The following RELN variants were observed in gnomAD, a reference collection of about 807,000 sequenced individuals.
RELN encodes the protein reelin.
In RELN, 108 loss-of-function variants were observed where a neutral mutation model predicts 427.6. That is an observed-to-expected ratio of 0.25 (90% CI 0.22 to 0.30). RELN has a LOEUF of 0.30. Ranked by LOEUF, RELN falls within the 10% of genes least tolerant of loss-of-function variation. RELN has a pLI of 1.00. For missense variants in RELN, 3,715 were observed against 4,302.8 expected (o/e 0.86, Z 3.82); for synonymous variants, 1,524 against 1,513.4 (o/e 1.01, Z -0.16).
chr7:103,505,617 C>T (rs1584244520), intron 51 of RELN, among the ~76,000 whole-genome samples: 1 of 152,114 alleles, frequency 6.6e-6, no homozygotes, highest in Admixed American at 6.6e-5. Flanking sequence ...TGGGGAGAAA[C>T]CAGCGCAAAA....
chr7:103,747,024 A>G (rs1790854993), intron 6 of RELN, among the ~76,000 whole-genome samples: 1 of 152,206 alleles, frequency 6.6e-6, no homozygotes, highest in African/African-American at 2.4e-5. Context: ...TAAATGTCCA[A>G]CAATGATAGA....
rs181260061 is a variant in RELN, at chr7:103,831,391, T to C, written c.473+2146A>G. 3.3e-3 allele frequency among the ~76,000 whole-genome samples: 505 copies of C among 152,132 alleles called. 1 individual carries two copies. Among genetic ancestry groups the C allele is most frequent in the Non-Finnish European group, 5.3e-3 (359 of 67,970 alleles). ...ACATATAAGACACTGTAGCAACTAA[T>C]GGAGAATCAAAAAGAAATAAGAATT... On this transcript the variant is annotated intron_variant, in intron 3 of 64. Coordinates refer to ENST00000428762, the MANE Select transcript of RELN (RefSeq NM_005045.4).
intron 8 of RELN, among the ~76,000 whole-genome samples, chr7:103,714,000 G>A (rs1242754277): frequency 6.6e-6 from 1 of 152,146 alleles, no homozygotes; most frequent in African/African-American, 2.4e-5. Flanking sequence ...ACATCTTGAT[G>A]ACATGGCAAG....
intron 1 of RELN, among the ~76,000 whole-genome samples, chr7:103,948,361 A>G (rs546764848): frequency 6.6e-6 from 1 of 152,088 alleles, no homozygotes; most frequent in East Asian, 1.9e-4. Flanking sequence ...CCTTCATCCT[A>G]TCTCAATTCA....
intron 2 of RELN, among the ~76,000 whole-genome samples, chr7:103,906,577 CCG>C (rs1795210583): frequency 6.6e-6 from 1 of 152,102 alleles, no homozygotes; most frequent in Non-Finnish European, 1.5e-5. Context: ...TTCCTCTGAG[CCG>C]TTATAGAGCA....
rs1287121395 is a variant in RELN at position 103,511,009 on chromosome 7, A to G, written c.8120-4T>C. ...TGGAATAGCCAGTGCTCATTCACTTAAAACAAAAAAACAAAATTTTATGAC... is the reference window on the plus strand; with the variant it reads ...TGGAATAGCCAGTGCTCATTCACTTGAAACAAAAAAACAAAATTTTATGAC... On this transcript the variant is annotated splice_region_variant and splice_polypyrimidine_tract_variant and intron_variant, in intron 50 of 64. Transcript: ENST00000428762. 1 of 1,610,986 alleles carries G rather than the reference A, an allele frequency of 6.2e-7. No individual in the cohort carries two copies. The highest frequency in any genetic ancestry group is 2.2e-5 in the East Asian group (1 of 44,840).
chr7:103,539,803 AGATT>A (rs1830138821), intron 44 of RELN, among the ~76,000 whole-genome samples: 1 of 152,080 alleles, frequency 6.6e-6, no homozygotes, highest in Non-Finnish European at 1.5e-5. Flanking sequence ...GATGTGGGGG[AGATT>A]GATTTATTTT....
chr7:103,639,777 ACT>A (rs962335804), intron 17 of RELN, among the ~76,000 whole-genome samples: 1 of 151,908 alleles, frequency 6.6e-6, no homozygotes, highest in Non-Finnish European at 1.5e-5. Flanking sequence ...TTGATTAATT[ACT>A]CTTTTTGTTG....
chr7:103,913,438 C>T (rs1171792915), intron 2 of RELN, among the ~76,000 whole-genome samples: 1 of 152,124 alleles, frequency 6.6e-6, no homozygotes, highest in East Asian at 1.9e-4. Context: ...ATTTGCTTAA[C>T]ATTCCATCAA....
chr7:103,768,081 G>C (rs538036076), intron 4 of RELN, among the ~76,000 whole-genome samples: 1 of 152,170 alleles, frequency 6.6e-6, no homozygotes, highest in Admixed American at 6.5e-5. Flanking sequence ...CTGTTTATTG[G>C]CATATTCCAA....
chr7:103,962,088 TC>T (rs1796569192), intron 1 of RELN, among the ~76,000 whole-genome samples: 1 of 152,194 alleles, frequency 6.6e-6, no homozygotes, highest in Non-Finnish European at 1.5e-5. Context: ...CAGTTCTGGA[TC>T]ATTTTATTAA....
At chr7:103,486,552 A>C in intron 60 of RELN, 136 bp from the exon 61 acceptor site, 2 of 706,490 alleles carry the variant, frequency 2.8e-6, no homozygotes, top group South Asian at 1.7e-5. Flanking sequence ...AAACAACTTT[A>C]CAAAAAAAAA....
rs190622063 is a variant in RELN, at chr7:103,554,100, C to G, written c.5798-269G>C. Among the ~76,000 whole-genome samples, 15 of 148,920 alleles carry G rather than the reference C, an allele frequency of 1.0e-4. No individual in the cohort carries two copies. The East Asian group carries it at 3.1e-3, about 31-fold the overall frequency. On this transcript the variant is annotated intron_variant, in intron 38 of 64. Coordinates refer to ENST00000428762, the MANE Select transcript of RELN (RefSeq NM_005045.4). Reference sequence around the variant, plus strand: ...TACTCAGGAGGCTGAGGTGGGAGGACTGCTTGGGTCCAGGAGTTTGAGGTT... The same window carrying G: ...TACTCAGGAGGCTGAGGTGGGAGGAGTGCTTGGGTCCAGGAGTTTGAGGTT...
chr7:103,933,948 C>T (rs934726606), intron 1 of RELN, among the ~76,000 whole-genome samples: 8 of 152,190 alleles, frequency 5.3e-5, no homozygotes, highest in African/African-American at 1.7e-4. Flanking sequence ...CAGATACACA[C>T]GAAGGGTTCT....
At chr7:103,526,017 C>T (rs1829815303) in intron 46 of RELN, among the ~76,000 whole-genome samples, 1 of 152,182 alleles carries the variant, frequency 6.6e-6, no homozygotes, top group African/African-American at 2.4e-5. Context: ...AAACACCCTA[C>T]AAGAGATGTC....
chr7:103,820,857 C>T (rs1009759514), intron 3 of RELN, among the ~76,000 whole-genome samples: 1 of 151,980 alleles, frequency 6.6e-6, no homozygotes, highest in African/African-American at 2.4e-5. Context: ...GATAATAGCA[C>T]ACACACACAT....
intron 1 of RELN, among the ~76,000 whole-genome samples, chr7:103,930,721 C>A (rs1188560806): frequency 6.6e-6 from 1 of 152,144 alleles, no homozygotes; most frequent in Non-Finnish European, 1.5e-5. Context: ...CCTGTCTTGG[C>A]CTCCCCAAAG....
chr7:103,788,766 A>G (rs1457172008), intron 3 of RELN, among the ~76,000 whole-genome samples: 2 of 152,236 alleles, frequency 1.3e-5, no homozygotes, highest in East Asian at 1.9e-4. Context: ...GCCCAAAGTA[A>G]TTTATAGATT....
intron 1 of RELN, among the ~76,000 whole-genome samples, chr7:103,978,716 C>G (rs1366857386): frequency 6.6e-6 from 1 of 152,140 alleles, no homozygotes; most frequent in African/African-American, 2.4e-5. Context: ...ATTAGTGATA[C>G]CAATTCTGAA....
Sources: gnomAD v4.1 joint callset for allele counts (sites outside exome capture counted in the v4.1 genomes callset) on GRCh38, gnomAD v4.1.1 for gene constraint, MANE v1.5 for transcripts, NCBI Gene and HGNC (gene_info 2026-07-23, HGNC 2026-07-21) for gene names.